Variants in ANK2 observed in about 807,000 individuals in gnomAD.
The protein encoded by ANK2 is ankyrin-2.
Under a neutral mutation model 360.5 loss-of-function variants are expected in ANK2, and 83 were observed. That is an observed-to-expected ratio of 0.23 (90% CI 0.19 to 0.28). The LOEUF is 0.28. Ranked by LOEUF, ANK2 falls within the 10% of genes least tolerant of loss-of-function variation. The pLI, the probability that ANK2 is intolerant of heterozygous loss-of-function variation, is 1.00. For missense variants in ANK2, 4,201 were observed against 4,795.7 expected (o/e 0.88, Z 3.66); for synonymous variants, 1,740 against 1,759.5 (o/e 0.99, Z 0.28).
At chr4:112,827,980 A>C (rs1177583137) in intron 1 of ANK2, among the ~76,000 whole-genome samples, 1 of 152,226 alleles carries the variant, frequency 6.6e-6, no homozygotes, top group African/African-American at 2.4e-5. Context: ...CACAGGCTGC[A>C]ATAACCAAAA....
chr4:112,981,165 G>A (rs2043005565), intron 2 of ANK2, among the ~76,000 whole-genome samples: 1 of 152,220 alleles, frequency 6.6e-6, no homozygotes, highest in African/African-American at 2.4e-5. Context: ...GCAGAGATGT[G>A]CTCAAGTGAA....
intron 41 of ANK2, among the ~76,000 whole-genome samples, chr4:113,365,492 C>T (rs1271389320): frequency 2.0e-5 from 3 of 152,034 alleles, no homozygotes; most frequent in African/African-American, 4.8e-5. Flanking sequence ...ACCTTAGCCA[C>T]GTATTTCTAG....
intron 13 of ANK2, among the ~76,000 whole-genome samples, chr4:113,264,362 G>A (rs904639012): frequency 1.3e-5 from 2 of 152,160 alleles, no homozygotes; most frequent in Middle Eastern, 3.2e-3. Flanking sequence ...ATAGTTAAGT[G>A]AGACAATGAC....
chr4:112,869,001 CCTAGG>C (rs1311460903), intron 1 of ANK2, among the ~76,000 whole-genome samples: 1 of 152,088 alleles, frequency 6.6e-6, no homozygotes, highest in East Asian at 1.9e-4. Context: ...CACTCTGTCA[CCTAGG>C]CTGGAGTGCA....
chr4:113,372,771 G>A, intron 43 of ANK2: 2 of 667,128 alleles, frequency 3.0e-6, no homozygotes, highest in Middle Eastern at 3.5e-4. Context: ...CATAAGTTCT[G>A]TTTGCAAACA....
chr4:113,293,614 C>A, intron 22 of ANK2, 76 bp downstream of exon 22: 3 of 1,363,606 alleles, frequency 2.2e-6, no homozygotes, highest in East Asian at 2.3e-5. Flanking sequence ...AGTACTTTTT[C>A]ACTCACAAGA....
intron 1 of ANK2, among the ~76,000 whole-genome samples, chr4:112,824,275 C>T (rs1430472025): frequency 6.6e-6 from 1 of 151,262 alleles, no homozygotes; most frequent in African/African-American, 2.4e-5. Context: ...GAACTCTTGG[C>T]TTCAAGCGAT....
At chr4:113,140,452 A>C (rs898535577) in intron 1 of ANK2, among the ~76,000 whole-genome samples, 2 of 152,226 alleles carry the variant, frequency 1.3e-5, no homozygotes, top group African/African-American at 4.8e-5. Context: ...AATATAAAGT[A>C]TTGACTAAAT....
At chr4:113,040,801 T>C (rs766940662) in intron 2 of ANK2, among the ~76,000 whole-genome samples, 2 of 152,094 alleles carry the variant, frequency 1.3e-5, no homozygotes, top group Non-Finnish European at 2.9e-5. Flanking sequence ...CTGTCTTCCC[T>C]ATGCTAACTA....
the ANK2 span, among the ~76,000 whole-genome samples, chr4:112,801,867 A>G: frequency 6.6e-6 from 1 of 152,156 alleles, no homozygotes; most frequent in African/African-American, 2.4e-5. Context: ...AAGGTGTATC[A>G]TAATGAAATT....
chr4:113,116,242 T>C (rs1025048595), intron 1 of ANK2, among the ~76,000 whole-genome samples: 1 of 152,230 alleles, frequency 6.6e-6, no homozygotes, highest in Admixed American at 6.5e-5. Flanking sequence ...TGATAATTAA[T>C]AATGAGTACC....
chr4:112,853,922 C>A (rs1289238854), intron 1 of ANK2, among the ~76,000 whole-genome samples: 1 of 152,078 alleles, frequency 6.6e-6, no homozygotes, highest in African/African-American at 2.4e-5. Flanking sequence ...AATAAACAAA[C>A]GTTTAATAAT....
intron 1 of ANK2, among the ~76,000 whole-genome samples, chr4:112,896,705 A>C (rs12505416): frequency 0.046 from 6,935 of 152,228 alleles, 515 homozygotes; most frequent in East Asian, 0.31. Context: ...GGTTTGGATA[A>C]ACACTGTAAA....
intron 2 of ANK2, among the ~76,000 whole-genome samples, chr4:113,011,842 C>T (rs2054835849): frequency 1.3e-5 from 2 of 151,924 alleles, no homozygotes; most frequent in Admixed American, 1.3e-4. Flanking sequence ...GTCTGCCACC[C>T]TTCACATTCA....
chr4:112,867,063 G>A (rs2070868866), intron 1 of ANK2, among the ~76,000 whole-genome samples: 1 of 151,586 alleles, frequency 6.6e-6, no homozygotes, highest in Non-Finnish European at 1.5e-5. Context: ...AAGTTATTAT[G>A]TATTGTCTGT....
At position 113,277,934 on chromosome 4, in the gene ANK2, A is replaced by T. The variant is rs2060822385; in HGVS notation, c.1781A>T (p.Lys594Met). Residue 594 changes from lysine (K) to methionine (M), a missense_variant and splice_region_variant, in exon 16 of 46, where the codon AAG (lysine) becomes ATG (methionine). By Grantham distance (95) the Lys-to-Met change is moderately conservative. This residue lies in a region of ANK2 where 1,268 missense variants were observed against 1,650.8 expected (regional missense o/e 0.77). Transcript: ENST00000357077. ...QRRAAADSAG[K>M]NGLTPLHVAA... ...CGTGCTGCCGCAGATTCTGCAGGGA[A>T]GGTAAAGATTTTCTATACGTTATAA... The T allele has an allele frequency of 6.2e-7, 1 of 1,612,314 alleles. No homozygotes were observed. Among genetic ancestry groups the T allele is most frequent in the South Asian group, 1.1e-5 (1 of 91,036 alleles).
At chr4:113,195,985 A>G (rs2098740824) in intron 2 of ANK2, among the ~76,000 whole-genome samples, 1 of 152,182 alleles carries the variant, frequency 6.6e-6, no homozygotes, top group Non-Finnish European at 1.5e-5. Flanking sequence ...CTGCTTTGAG[A>G]TACAAAAGGA....
chr4:113,310,598 G>A (rs2079418948), intron 23 of ANK2, among the ~76,000 whole-genome samples: 1 of 152,036 alleles, frequency 6.6e-6, no homozygotes, highest in South Asian at 2.1e-4. Context: ...TGTATTTTTA[G>A]TAGAGACAGG....
rs17045360 is a variant in ANK2 at position 113,014,704 on chromosome 4, C to T, written c.21+110190C>T. Among the ~76,000 whole-genome samples, 414 of 151,994 alleles carry T rather than the reference C, an allele frequency of 2.7e-3. 2 individuals carry two copies. Among genetic ancestry groups the T allele is most frequent in the African/African-American group, 9.3e-3 (387 of 41,440 alleles). On this transcript the variant is annotated intron_variant, in intron 2 of 30. Coordinates refer to the ANK2 transcript ENST00000503271. ...TATCTTTCTCAAACTCCATCTTTCT[C>T]CAAGTTATTGTAAAGATAGTGAGAA...
Sources: gnomAD v4.1 joint callset for allele counts (sites outside exome capture counted in the v4.1 genomes callset) on GRCh38, gnomAD v4.1.1 for gene constraint, gnomAD v4.1.1 regional missense constraint, MANE v1.5 for transcripts, NCBI Gene and HGNC (gene_info 2026-07-23, HGNC 2026-07-21) for gene names.